Variants in NTF3 observed in about 807,000 individuals in gnomAD.
NTF3 encodes the protein neurotrophin-3.
In NTF3, 8 loss-of-function variants were observed where a neutral mutation model predicts 26.3. The observed-to-expected ratio is 0.30, with a 90% CI of 0.18 to 0.55. NTF3 has a LOEUF of 0.55. NTF3 is among the 20% of genes least tolerant of loss of function. NTF3 has a pLI of 0.93. For missense variants in NTF3, 276 were observed against 352.9 expected (o/e 0.78, Z 1.75); for synonymous variants, 154 against 145.5 (o/e 1.06, Z -0.42).
rs547883519 is a variant in NTF3, at chr12:5,491,460, G to C, written c.19-2734G>C. Among the ~76,000 whole-genome samples the C allele has an allele frequency of 5.9e-5, 9 of 152,296 alleles. No individual in the cohort carries two copies. The South Asian group carries it at 1.9e-3, about 32-fold the overall frequency. On this transcript the variant is annotated intron_variant, in intron 1 of 1. Coordinates refer to ENST00000423158, the MANE Select transcript of NTF3 (RefSeq NM_001102654.2). ...GTCAGCCACTGGGAGAGCAGGCTGA[G>C]GTTGCAAGGAAGTGGCAGGTGCTAT... is the stretch of plus-strand genomic sequence containing the variant.
chr12:5,491,015 T>C (rs1421001479), intron 1 of NTF3, among the ~76,000 whole-genome samples: 1 of 152,242 alleles, frequency 6.6e-6, no homozygotes, highest in Non-Finnish European at 1.5e-5. Flanking sequence ...TGCTAGGTGC[T>C]TCCATGTGGA....
chr12:5,455,064 G>A (rs930178339), intron 1 of NTF3, among the ~76,000 whole-genome samples: 18 of 152,186 alleles, frequency 1.2e-4, no homozygotes, highest in Admixed American at 3.3e-4. Flanking sequence ...GGAGCCTAAC[G>A]TGTGGAGCAA....
intron 1 of NTF3, among the ~76,000 whole-genome samples, chr12:5,464,552 G>A (rs1940565045): frequency 6.6e-6 from 1 of 152,178 alleles, no homozygotes; most frequent in Admixed American, 6.5e-5. Flanking sequence ...AGGTTGAGGA[G>A]CATCTCCACA....
At chr12:5,464,869 C>A (rs888441778) in intron 1 of NTF3, among the ~76,000 whole-genome samples, 4 of 152,096 alleles carry the variant, frequency 2.6e-5, no homozygotes, top group Non-Finnish European at 5.9e-5. Context: ...GAATATAAGC[C>A]GGACTATGTT....
chr12:5,463,749 A>T (rs1291186442), intron 1 of NTF3, among the ~76,000 whole-genome samples: 4 of 152,156 alleles, frequency 2.6e-5, no homozygotes, highest in African/African-American at 9.7e-5. Context: ...TCTGCAGAAT[A>T]CTTAGATAAC....
intron 1 of NTF3, among the ~76,000 whole-genome samples, chr12:5,466,945 G>T (rs1290949446): frequency 1.3e-5 from 2 of 152,080 alleles, no homozygotes; most frequent in African/African-American, 4.8e-5. Context: ...AAAAAGTCGG[G>T]TGCTTGGCCG....
chr12:5,485,337 C>T (rs999379932), intron 1 of NTF3, among the ~76,000 whole-genome samples: 1 of 152,182 alleles, frequency 6.6e-6, no homozygotes, highest in Non-Finnish European at 1.5e-5. Context: ...GTGCCTTAGA[C>T]TTTGGAGTGA....
chr12:5,454,060 A>C (rs569953995), intron 1 of NTF3, among the ~76,000 whole-genome samples: 82 of 152,300 alleles, frequency 5.4e-4, no homozygotes, highest in African/African-American at 1.8e-3. Context: ...GCCGTAACAA[A>C]GCACCACAAA....
At chr12:5,483,686 T>C (rs1051578938) in intron 1 of NTF3, among the ~76,000 whole-genome samples, 9 of 152,242 alleles carry the variant, frequency 5.9e-5, no homozygotes, top group African/African-American at 2.2e-4. Context: ...GAGTGGTATT[T>C]CTATTTTTAG....
intron 1 of NTF3, among the ~76,000 whole-genome samples, chr12:5,449,225 G>C (rs950590240): frequency 2.0e-5 from 3 of 152,200 alleles, no homozygotes; most frequent in African/African-American, 4.8e-5. Context: ...TCGAGAGCTT[G>C]ACCAGTACGC....
At chr12:5,482,523 C>T (rs1347992810) in intron 1 of NTF3, among the ~76,000 whole-genome samples, 1 of 152,170 alleles carries the variant, frequency 6.6e-6, no homozygotes, top group Non-Finnish European at 1.5e-5. Flanking sequence ...GTGGAGCAGT[C>T]TCTAATGTGA....
intron 1 of NTF3, among the ~76,000 whole-genome samples, chr12:5,453,458 C>T (rs1263313773): frequency 6.6e-6 from 1 of 152,214 alleles, no homozygotes; most frequent in Admixed American, 6.5e-5. Flanking sequence ...TCTTTCCCAT[C>T]CCTGTTGGAC....
upstream of NTF3, among the ~76,000 whole-genome samples, chr12:5,431,826 AC>A (rs1315734800): frequency 2.6e-5 from 4 of 151,974 alleles, no homozygotes; most frequent in Non-Finnish European, 5.9e-5. Flanking sequence ...CTAAAAGGGA[AC>A]TCAAGGGTGG....
chr12:5,448,241 A>T (rs1565385916), intron 1 of NTF3, among the ~76,000 whole-genome samples: 1 of 152,218 alleles, frequency 6.6e-6, no homozygotes, highest in Non-Finnish European at 1.5e-5. Flanking sequence ...CCCATTTTGT[A>T]GACATGGTGC....
intron 1 of NTF3, among the ~76,000 whole-genome samples, chr12:5,443,521 T>C (rs574717549): frequency 6.6e-6 from 1 of 152,310 alleles, no homozygotes; most frequent in African/African-American, 2.4e-5. Flanking sequence ...TCCAGAGCTT[T>C]CCTGGACTTT....
At chr12:5,446,243 ATAT>A (rs1311686137) in intron 1 of NTF3, among the ~76,000 whole-genome samples, 9 of 152,202 alleles carry the variant, frequency 5.9e-5, no homozygotes, top group Admixed American at 5.9e-4. Flanking sequence ...ACAGAGGCAG[ATAT>A]TATACCAGAC....
chr12:5,470,620 C>T (rs1940653159), intron 1 of NTF3, among the ~76,000 whole-genome samples: 1 of 152,222 alleles, frequency 6.6e-6, no homozygotes, highest in Non-Finnish European at 1.5e-5. Flanking sequence ...ATGCCCTCCT[C>T]TTCATTTCCT....
intron 1 of NTF3, among the ~76,000 whole-genome samples, chr12:5,437,619 G>A (rs1940184698): frequency 6.6e-6 from 1 of 152,208 alleles, no homozygotes; most frequent in Admixed American, 6.5e-5. Flanking sequence ...GATCTTTAGA[G>A]CCCACCACCC....
upstream of NTF3, among the ~76,000 whole-genome samples, chr12:5,430,505 C>A (rs1418699874): frequency 2.0e-5 from 3 of 150,606 alleles, no homozygotes; most frequent in South Asian, 2.1e-4. Flanking sequence ...GCGCTTCTGG[C>A]GGTTTTCGAT....
Sources: allele counts gnomAD v4.1 joint callset (sites outside exome capture counted in the v4.1 genomes callset), GRCh38; gene constraint gnomAD v4.1.1; transcripts MANE v1.5; gene names NCBI Gene and HGNC (gene_info 2026-07-23, HGNC 2026-07-21).